Variants in LRRFIP2 observed in about 807,000 individuals in gnomAD.
LRRFIP2 encodes leucine-rich repeat flightless-interacting protein 2.
LRRFIP2 carries 109 observed loss-of-function variants against 125.9 expected under a neutral mutation model. The observed-to-expected ratio is 0.87, with a 90% CI of 0.74 to 1.01. The LOEUF (loss-of-function observed/expected upper bound fraction) is 1.01. Ranked by LOEUF, LRRFIP2 falls within the 50% of genes least tolerant of loss-of-function variation. The pLI is 0.00. For missense variants in LRRFIP2, 850 were observed against 862.3 expected (o/e 0.99, Z 0.18); for synonymous variants, 291 against 293.1 (o/e 0.99, Z 0.07).
intron 4 of LRRFIP2, among the ~76,000 whole-genome samples, chr3:37,127,050 A>G (rs1244353769): frequency 2.0e-5 from 3 of 152,104 alleles, no homozygotes; most frequent in Non-Finnish European, 2.9e-5. Flanking sequence ...TCCCTCTCCC[A>G]AGCCTAGTCA....
intron 1 of LRRFIP2, among the ~76,000 whole-genome samples, chr3:37,163,603 T>C (rs2096401880): frequency 6.6e-6 from 1 of 152,210 alleles, no homozygotes; most frequent in African/African-American, 2.4e-5. Context: ...GCTTTTCAAC[T>C]CACAGCAAAG....
Position 37,083,735 on chromosome 3 carries a change from C to A in LRRFIP2, c.1179G>T (p.Lys393Asn). The change falls in exon 19 of 28, where the codon AAG (lysine) becomes AAT (asparagine). Residue 393 changes from lysine to asparagine, a missense_variant. Physicochemically the swap from Lys to Asn is moderately conservative, Grantham distance 94. Coordinates refer to ENST00000336686, the MANE Select transcript of LRRFIP2 (RefSeq NM_006309.4). ...TGTCTACTTGGTAGATCAAATTGTT[C>A]TTCTCATTGTCTAACTGTGCATTGG... ...MVSNAQLDNEKNNLIYQVDTL... is the reference protein window; with the variant it reads ...MVSNAQLDNENNNLIYQVDTL... 2 of 1,602,338 alleles carry A rather than the reference C, an allele frequency of 1.2e-6. No individual in the cohort carries two copies. Among genetic ancestry groups the A allele is most frequent in the Admixed American group, 1.7e-5 (1 of 57,384 alleles).
intron 1 of LRRFIP2, among the ~76,000 whole-genome samples, chr3:37,166,974 C>A (rs2096504762): frequency 6.6e-6 from 1 of 151,424 alleles, no homozygotes; most frequent in Non-Finnish European, 1.5e-5. Context: ...GAGATAGCGC[C>A]ATTGCACTCC....
chr3:37,094,972 T>C (rs2093649238), intron 16 of LRRFIP2, 64 bp from the exon 17 acceptor site: 2 of 1,040,598 alleles, frequency 1.9e-6, no homozygotes, highest in Non-Finnish European at 3.0e-6. Context: ...CTGTGGAAAC[T>C]AAAAACAGGG....
At chr3:37,172,347 CT>C (rs976205123) in intron 1 of LRRFIP2, among the ~76,000 whole-genome samples, 14 of 152,032 alleles carry the variant, frequency 9.2e-5, no homozygotes, top group Non-Finnish European at 1.9e-4. Context: ...GGCATGCGGT[CT>C]TTTTTAAAAA....
chr3:37,109,781 C>G (rs2149417162), intron 9 of LRRFIP2, 78 bp from the exon 10 acceptor site: 2 of 1,277,720 alleles, frequency 1.6e-6, no homozygotes, highest in Non-Finnish European at 2.3e-6. Context: ...ATGCAGAGGA[C>G]TTAAGTTTAT....
At chr3:37,173,235 A>C (rs2096610449) in intron 1 of LRRFIP2, among the ~76,000 whole-genome samples, 1 of 151,598 alleles carries the variant, frequency 6.6e-6, no homozygotes, top group East Asian at 1.9e-4. Context: ...TTTATTCTTG[A>C]GACAGGGTCT....
At chr3:37,125,272 C>T (rs2095233919) in intron 4 of LRRFIP2, among the ~76,000 whole-genome samples, 1 of 152,158 alleles carries the variant, frequency 6.6e-6, no homozygotes, top group Admixed American at 6.5e-5. Context: ...TTAGAAGGAA[C>T]TTCAAAAACC....
intron 19 of LRRFIP2, among the ~76,000 whole-genome samples, chr3:37,079,267 G>A (rs748025080): frequency 6.6e-6 from 1 of 152,168 alleles, no homozygotes; most frequent in Non-Finnish European, 1.5e-5. Flanking sequence ...AGAATAAAAA[G>A]GACAGATAAC....
At chr3:37,096,401 T>C (rs1403482331) in intron 16 of LRRFIP2, among the ~76,000 whole-genome samples, 2 of 152,036 alleles carry the variant, frequency 1.3e-5, no homozygotes, top group African/African-American at 4.8e-5. Context: ...GCTAAAGAGG[T>C]GACATTCAAG....
At chr3:37,119,674 A>C (rs554340577) in intron 6 of LRRFIP2, among the ~76,000 whole-genome samples, 5 of 152,112 alleles carry the variant, frequency 3.3e-5, no homozygotes, top group Admixed American at 6.6e-5. Context: ...TTTAATTTTT[A>C]TTTTGAGACA....
intron 1 of LRRFIP2, among the ~76,000 whole-genome samples, chr3:37,168,325 G>A (rs140914113): frequency 2.2e-4 from 33 of 152,278 alleles, no homozygotes; most frequent in African/African-American, 6.5e-4. Flanking sequence ...ATAAACATAC[G>A]AAGGAATATT....
chr3:37,109,390 C>A, intron 11 of LRRFIP2, 137 bp downstream of exon 11: 1 of 882,286 alleles, frequency 1.1e-6, no homozygotes, highest in Non-Finnish European at 1.8e-6. Context: ...TAAGCACAGG[C>A]AGCACATTCT....
chr3:37,139,674 C>A (rs1045655021), intron 2 of LRRFIP2, among the ~76,000 whole-genome samples: 2 of 152,110 alleles, frequency 1.3e-5, no homozygotes, highest in African/African-American at 4.8e-5. Context: ...TACACACCCT[C>A]CATTTTATGA....
Position 37,121,683 on chromosome 3 carries a change from C to G in LRRFIP2, c.237G>C (p.Ser79=). 1 of 1,614,014 alleles carries G rather than the reference C, an allele frequency of 6.2e-7. No homozygotes were observed. Among genetic ancestry groups the G allele is most frequent in the Non-Finnish European group, 8.5e-7 (1 of 1,179,988 alleles). The change falls in exon 5 of 28, where the codon TCG becomes TCC. Residue 79 remains serine (S), a synonymous_variant. Transcript: ENST00000336686. Reference sequence around the variant, plus strand: ...ACCGGTGGGAATACCTGGCCCTTTCCGAATCTTCCTGGGAAAGGAGAAAGT... The same window carrying G: ...ACCGGTGGGAATACCTGGCCCTTTCGGAATCTTCCTGGGAAAGGAGAAAGT... ...WGQIQKWLED[S]ERARYSHRSS...
At chr3:37,057,133 A>T (rs2087118672) in intron 25 of LRRFIP2, among the ~76,000 whole-genome samples, 1 of 151,976 alleles carries the variant, frequency 6.6e-6, no homozygotes, top group African/African-American at 2.4e-5. Context: ...TTTGTTCTAC[A>T]CCTCCTGCCT....
At chr3:37,080,172 G>T (rs2092504552) in intron 19 of LRRFIP2, among the ~76,000 whole-genome samples, 1 of 152,194 alleles carries the variant, frequency 6.6e-6, no homozygotes, top group Middle Eastern at 3.4e-3. Flanking sequence ...GGCCGAGGTG[G>T]GTGGATCACC....
chr3:37,084,226 A>G (rs1425589985), intron 18 of LRRFIP2, among the ~76,000 whole-genome samples: 1 of 152,200 alleles, frequency 6.6e-6, no homozygotes, highest in Non-Finnish European at 1.5e-5. Flanking sequence ...CTTCATACGC[A>G]TTTGAATTTT....
intron 1 of LRRFIP2, among the ~76,000 whole-genome samples, chr3:37,152,609 A>C (rs780623660): frequency 2.6e-5 from 4 of 152,054 alleles, no homozygotes; most frequent in Non-Finnish European, 4.4e-5. Flanking sequence ...ATACCTGGCT[A>C]ATTTTGTAAT....
Sources: gnomAD v4.1 joint callset for allele counts (sites outside exome capture counted in the v4.1 genomes callset) on GRCh38, gnomAD v4.1.1 for gene constraint, MANE v1.5 for transcripts, NCBI Gene and HGNC (gene_info 2026-07-23, HGNC 2026-07-21) for gene names.